Variants in CFAP157 observed in about 807,000 individuals in gnomAD.
The protein encoded by CFAP157 is cilia and flagella associated protein 157.
In CFAP157, 43 loss-of-function variants were observed where a neutral mutation model predicts 57.8. That is an observed-to-expected ratio of 0.74 (90% CI 0.58 to 0.96). The LOEUF is 0.96. CFAP157 is among the 40% of genes least tolerant of loss of function. CFAP157 has a pLI of 0.00. For missense variants in CFAP157, 606 were observed against 655.3 expected, an observed-to-expected ratio of 0.92 and a Z score of 0.82; for synonymous variants, 267 against 269.0, an observed-to-expected ratio of 0.99 and a Z score of 0.07.
chr9:127,714,881 G>T lies in CFAP157; in HGVS notation c.*976G>T. On this transcript the variant is annotated 3_prime_UTR_variant, in exon 9 of 9. Coordinates refer to ENST00000373295, the MANE Select transcript of CFAP157 (RefSeq NM_001012502.3). ...TCAACAGGTACTTGGAGGTGAACCCGCGGATCTGTCACAGCCAGTGCTCCC... is the reference window on the plus strand; with the variant it reads ...TCAACAGGTACTTGGAGGTGAACCCTCGGATCTGTCACAGCCAGTGCTCCC... 9.5e-7 allele frequency: 1 copy of T among 1,056,956 alleles called. No homozygotes were observed. Among genetic ancestry groups the T allele is most frequent in the Non-Finnish European group, 1.4e-6 (1 of 738,758 alleles). 65.5% of individuals were successfully genotyped at this position (1,056,956 alleles called of 1,614,324 possible).
Position 127,714,900 on chromosome 9 carries a change from T to A in CFAP157, c.*995T>A. The A allele has an allele frequency of 9.6e-7, 1 of 1,042,798 alleles. No individual in the cohort carries two copies. The highest frequency in any genetic ancestry group is 1.6e-5 in the South Asian group (1 of 63,192). The allele number at this position is 1,042,798 out of a possible 1,614,324, so 64.6% of individuals were successfully genotyped here. A position where few individuals can be genotyped will look rare whatever the true frequency, so the allele number is the denominator to read the frequency against. On this transcript the variant is annotated 3_prime_UTR_variant, in exon 9 of 9. Transcript: ENST00000373295. ...GAACCCGCGGATCTGTCACAGCCAG[T>A]GCTCCCCTCTGGCCCCCGCGCCCCA...
In CFAP157 at chr9:127,707,358, G is replaced by C. The variant is rs12685905; in HGVS notation, c.161+166G>C. 8.1e-4 allele frequency among the ~76,000 whole-genome samples: 124 copies of C among 152,318 alleles called. 3 individuals carry two copies. In the East Asian group the frequency reaches 0.023, roughly 28 times the overall value. On this transcript the variant is annotated intron_variant, in intron 1 of 8. Coordinates refer to ENST00000373295, the MANE Select transcript of CFAP157 (RefSeq NM_001012502.3). The stretch of plus-strand genomic sequence containing the variant: ...CCTCATTTCCTCATACGTACCTTTG[G>C]GAGGTTTCAAGATTTTGAGGGTAAA...
In CFAP157 at chr9:127,713,628, T is replaced by C. The variant is rs1842822689; in HGVS notation, c.1492-206T>C. ...TTCAAGTGATTCTCCTGCCTCAGTC[T>C]CCCAAGTAGCAGGGATTACAGGCAT... On this transcript the variant is annotated intron_variant, in intron 8 of 8. Coordinates refer to ENST00000373295, the MANE Select transcript of CFAP157 (RefSeq NM_001012502.3). The C allele has an allele frequency of 7.1e-6, 3 of 423,486 alleles. No individual in the cohort carries two copies. In the East Asian group the frequency reaches 1.5e-4, roughly 21 times the overall value. 26.2% of individuals were successfully genotyped at this position (423,486 alleles called of 1,614,324 possible).
chr9:127,714,463 G>A lies in CFAP157; in HGVS notation c.*558G>A. 1.2e-6 allele frequency: 2 copies of A among 1,611,294 alleles called. No homozygotes were observed. Among genetic ancestry groups the A allele is most frequent in the Non-Finnish European group, 1.7e-6 (2 of 1,177,448 alleles). On this transcript the variant is annotated 3_prime_UTR_variant, in exon 9 of 9. Coordinates refer to ENST00000373295, the MANE Select transcript of CFAP157 (RefSeq NM_001012502.3). Reference sequence around the variant, plus strand: ...GGGAGGGGCAGTTAGTGCCTCCCTGGGGCAGTGTCCTTCCACCCCTCCCTG... The same window carrying A: ...GGGAGGGGCAGTTAGTGCCTCCCTGAGGCAGTGTCCTTCCACCCCTCCCTG...
In CFAP157 at chr9:127,714,912, G is replaced by GGCC; in HGVS notation, c.*1007_*1008insGCC. On this transcript the variant is annotated 3_prime_UTR_variant, in exon 9 of 9. Transcript: ENST00000373295. ...CTGTCACAGCCAGTGCTCCCCTCTG[G>GGCC]CCCCCGCGCCCCAACCCCCACCCCC... 1.3e-4 allele frequency: 102 copies of GGCC among 766,186 alleles called. No homozygotes were observed. The highest frequency in any genetic ancestry group is 1.1e-4 in the East Asian group (4 of 35,770). The allele number at this position is 766,186 out of a possible 1,614,324, so 47.5% of individuals were successfully genotyped here. A position where few individuals can be genotyped will look rare whatever the true frequency, so the allele number is the denominator to read the frequency against.
At position 127,714,701 on chromosome 9, in the gene CFAP157, C is replaced by A; in HGVS notation, c.*796C>A. On this transcript the variant is annotated 3_prime_UTR_variant, in exon 9 of 9. Transcript: ENST00000373295. ...CCTCGGCAGTCAGCCCAAACAGCTC[C>A]GCTTAGCACAGGGAAACGGCAGCCC... 6.2e-7 allele frequency: 1 copy of A among 1,610,506 alleles called. No individual in the cohort carries two copies. Among genetic ancestry groups the A allele is most frequent in the East Asian group, 2.2e-5 (1 of 44,580 alleles).
At position 127,715,300 on chromosome 9, in the gene CFAP157, T is replaced by C. The variant is rs1281627581; in HGVS notation, c.*1395T>C. The C allele has an allele frequency of 1.5e-6, 2 of 1,362,558 alleles. No homozygotes were observed. The highest frequency in any genetic ancestry group is 2.0e-6 in the Non-Finnish European group (2 of 988,708). 84.4% of individuals were successfully genotyped at this position (1,362,558 alleles called of 1,614,324 possible). ...GAGGAGCGGAAACGCAGAGCAACGC[T>C]GCAGTGGGGAAGGGGCGCGAAGAAG... On this transcript the variant is annotated 3_prime_UTR_variant, in exon 9 of 9. Coordinates refer to ENST00000373295, the MANE Select transcript of CFAP157 (RefSeq NM_001012502.3). This position sits in a 1 kb window ranked among gnomAD's most constrained non-coding sequence, Gnocchi z 5.8.
In CFAP157 at chr9:127,714,306, A is replaced by C. The variant is rs1449739960; in HGVS notation, c.*401A>C. ...GCCTGTGGGAGAGCCAGAGAGGCCC[A>C]GGAAGCTTTGGCGAGGTGCTGGGGG... is the stretch of plus-strand genomic sequence containing the variant. On this transcript the variant is annotated 3_prime_UTR_variant, in exon 9 of 9. Transcript: ENST00000373295. 4 of 1,614,056 alleles carry C rather than the reference A, an allele frequency of 2.5e-6. No homozygotes were observed. In the South Asian group the frequency reaches 3.3e-5, roughly 13 times the overall value.
rs1404927979 is a variant in CFAP157, at chr9:127,713,050, G to A, written c.1335G>A (p.Gly445=). Residue 445 remains glycine, a synonymous_variant, in exon 8 of 9, where the codon GGG becomes GGA. Transcript: ENST00000373295. ...SRPSIQLPRT[G]SLLPQLSDIT... ...CCAGCATCCAGCTGCCCAGGACTGGGTCTCTGCTGCCGCAGCTCTCTGACA... is the reference window on the plus strand; with the variant it reads ...CCAGCATCCAGCTGCCCAGGACTGGATCTCTGCTGCCGCAGCTCTCTGACA... 2 of 1,613,714 alleles carry A rather than the reference G, an allele frequency of 1.2e-6. No homozygotes were observed. The highest frequency in any genetic ancestry group is 1.3e-5 in the African/African-American group (1 of 74,930).
intron 1 of CFAP157, among the ~76,000 whole-genome samples, chr9:127,708,662 T>G (rs1842699418): frequency 1.3e-5 from 2 of 152,182 alleles, no homozygotes; most frequent in Non-Finnish European, 2.9e-5. Flanking sequence ...AACAGAGTTA[T>G]TGGGTGCTTA....
In CFAP157 at chr9:127,715,620, A is replaced by G. The variant is rs538247883; in HGVS notation, c.*1715A>G. ...TCTACTCAGCCGCTGTCCGGCGCCC[A>G]AAAAGCCGCCCGGCCTCATGCTGCC... On this transcript the variant is annotated 3_prime_UTR_variant, in exon 9 of 9. Transcript: ENST00000373295. The surrounding 1 kb of genome is among the most constrained non-coding windows in gnomAD (Gnocchi z 5.8). 312 of 1,612,364 alleles carry G rather than the reference A, an allele frequency of 1.9e-4. No individual in the cohort carries two copies. The East Asian group carries it at 6.5e-3, about 34-fold the overall frequency.
chr9:127,707,088 A>G lies in CFAP157; in HGVS notation c.57A>G (p.Lys19=), dbSNP rs758098345. Residue 19 remains lysine (K), a synonymous_variant, in exon 1 of 9, where the codon AAA becomes AAG. Transcript: ENST00000373295. ...GCAAGGAGCTTGAAGTCAAGAAGAA[A>G]GGGGGCAAGAAGGAGCCGGTGGTGG... The part of the protein sequence containing the change: ...KAGKELEVKK[K]GGKKEPVVAV... 30 of 1,613,772 alleles carry G rather than the reference A, an allele frequency of 1.9e-5. No homozygotes were observed. In the African/African-American group the frequency reaches 3.6e-4, roughly 19 times the overall value.
rs200892376 is a variant in CFAP157 at position 127,711,821 on chromosome 9, T to C, written c.857T>C (p.Ile286Thr). ...MARHKRGHQK[I>T]ILMLTKKCQE... The stretch of plus-strand genomic sequence containing the variant: ...ATGGCCACCTGTCCGCACCCGCAGA[T>C]CATCCTCATGCTGACTAAGAAGTGC... The change falls in exon 5 of 9, where the codon ATC becomes ACC. Residue 286 changes from isoleucine to threonine, a missense_variant and splice_region_variant. Ile to Thr is a moderately conservative substitution (Grantham distance 89, BLOSUM62 -1). Coordinates refer to ENST00000373295, the MANE Select transcript of CFAP157 (RefSeq NM_001012502.3). The C allele has an allele frequency of 3.8e-6, 6 of 1,563,472 alleles. No individual in the cohort carries two copies. The highest frequency in any genetic ancestry group is 1.7e-4 in the Middle Eastern group (1 of 6,010).
chr9:127,714,818 G>T lies in CFAP157; in HGVS notation c.*913G>T. 2 of 1,083,324 alleles carry T rather than the reference G, an allele frequency of 1.8e-6. No homozygotes were observed. The highest frequency in any genetic ancestry group is 2.6e-5 in the East Asian group (1 of 38,770). 67.1% of individuals were successfully genotyped at this position (1,083,324 alleles called of 1,614,324 possible). A position where few individuals can be genotyped will look rare whatever the true frequency, so the allele number is the denominator to read the frequency against. ...CCACTTCACATATAAAGAAACTGAG[G>T]CCCCCCGAAGTACCCAAAGCCATGC... On this transcript the variant is annotated 3_prime_UTR_variant, in exon 9 of 9. Coordinates refer to ENST00000373295, the MANE Select transcript of CFAP157 (RefSeq NM_001012502.3).
chr9:127,714,805 T>C lies in CFAP157; in HGVS notation c.*900T>C. On this transcript the variant is annotated 3_prime_UTR_variant, in exon 9 of 9. Transcript: ENST00000373295. ...ACCACAACTAATCCCACTTCACATA[T>C]AAAGAAACTGAGGCCCCCCGAAGTA... 1 of 1,144,968 alleles carries C rather than the reference T, an allele frequency of 8.7e-7. No homozygotes were observed. The highest frequency in any genetic ancestry group is 2.6e-5 in the East Asian group (1 of 38,982). The allele number at this position is 1,144,968 out of a possible 1,614,324, so 70.9% of individuals were successfully genotyped here.
intron 2 of CFAP157, among the ~76,000 whole-genome samples, chr9:127,710,348 G>A (rs1357634921): frequency 6.6e-6 from 1 of 151,726 alleles, no homozygotes; most frequent in Non-Finnish European, 1.5e-5. Context: ...TATCAAGGAA[G>A]GCTTCTTGGA....
rs141693612 is a variant in CFAP157 at position 127,715,617 on chromosome 9, C to G, written c.*1712C>G. 6.2e-7 allele frequency: 1 copy of G among 1,612,766 alleles called. No homozygotes were observed. The highest frequency in any genetic ancestry group is 8.5e-7 in the Non-Finnish European group (1 of 1,179,976). ...GGCTCTACTCAGCCGCTGTCCGGCG[C>G]CCAAAAAGCCGCCCGGCCTCATGCT... On this transcript the variant is annotated 3_prime_UTR_variant, in exon 9 of 9. Transcript: ENST00000373295. The surrounding 1 kb of genome is among the most constrained non-coding windows in gnomAD (Gnocchi z 5.8).
rs1039369315 is a variant in CFAP157 at position 127,715,813 on chromosome 9, C to A, written c.*1908C>A. 3.0e-5 allele frequency: 39 copies of A among 1,294,646 alleles called. No individual in the cohort carries two copies. The highest frequency in any genetic ancestry group is 3.7e-5 in the Non-Finnish European group (35 of 949,246). The allele number at this position is 1,294,646 out of a possible 1,614,324, so 80.2% of individuals were successfully genotyped here. Reference sequence around the variant, plus strand: ...CGGTGGCCGAGTCCGGGAACCCAGGCGCCTTCAGTAGCGCGGCGTCACAGT... The same window carrying A: ...CGGTGGCCGAGTCCGGGAACCCAGGAGCCTTCAGTAGCGCGGCGTCACAGT... On this transcript the variant is annotated 3_prime_UTR_variant, in exon 9 of 9. Transcript: ENST00000373295. This position sits in a 1 kb window ranked among gnomAD's most constrained non-coding sequence, Gnocchi z 5.8.
At chr9:127,710,779 G>A (rs1035612650) in intron 3 of CFAP157, 25 bp downstream of exon 3, 1 of 1,552,686 alleles carries the variant, frequency 6.4e-7, no homozygotes, top group East Asian at 2.4e-5. Context: ...CACCCTTTGG[G>A]GCCTTTGGAG....
Sources: allele counts gnomAD v4.1 joint callset (sites outside exome capture counted in the v4.1 genomes callset), GRCh38; gene constraint gnomAD v4.1.1; non-coding constraint Gnocchi (gnomAD v3.1); transcripts MANE v1.5; gene names NCBI Gene and HGNC (gene_info 2026-07-23, HGNC 2026-07-21).